The following CCDC7 variants were observed in gnomAD, a reference collection of about 807,000 sequenced individuals.
The protein encoded by CCDC7 is coiled-coil domain containing 7, also known as coiled-coil domain-containing protein 7.
In CCDC7, 183 loss-of-function variants were observed where a neutral mutation model predicts 196.9. That is an observed-to-expected ratio of 0.93 (90% CI 0.82 to 1.05). CCDC7 has a LOEUF of 1.05. Ranked by LOEUF, CCDC7 falls within the 50% of genes least tolerant of loss-of-function variation. The pLI is 0.00. For missense variants in CCDC7, 1,540 were observed against 1,482.2 expected (o/e 1.04, Z -0.64); for synonymous variants, 525 against 484.6 (o/e 1.08, Z -1.10).
intron 20 of CCDC7, among the ~76,000 whole-genome samples, chr10:32,651,508 G>A (rs548283377): frequency 1.2e-3 from 189 of 152,252 alleles, no homozygotes; most frequent in Non-Finnish European, 2.2e-3. Flanking sequence ...AAAGAAACAT[G>A]AAAAATGGCT....
chr10:32,618,293 T>G (rs2062997574), intron 18 of CCDC7, among the ~76,000 whole-genome samples: 1 of 151,942 alleles, frequency 6.6e-6, no homozygotes, highest in Non-Finnish European at 1.5e-5. Flanking sequence ...GTTTTAAATT[T>G]TTTTATTTTC....
At chr10:32,465,246 A>T (rs976768868) in intron 5 of CCDC7, among the ~76,000 whole-genome samples, 2 of 152,074 alleles carry the variant, frequency 1.3e-5, no homozygotes, top group African/African-American at 4.8e-5. Flanking sequence ...TCCTATAATA[A>T]CCCTTAAGAG....
At chr10:32,739,135 T>A (rs1242712606) in intron 28 of CCDC7, among the ~76,000 whole-genome samples, 1 of 152,142 alleles carries the variant, frequency 6.6e-6, no homozygotes, top group Non-Finnish European at 1.5e-5. Context: ...CTATTGACCA[T>A]TTTTTATGTT....
chr10:32,631,682 A>G lies in CCDC7; in HGVS notation c.1802-2572A>G, dbSNP rs975643882. On this transcript the variant is annotated intron_variant, in intron 18 of 41. Coordinates refer to ENST00000639629, the Ensembl canonical transcript of CCDC7. ...CCTTCTCAATTTCTACAAAAAAAAA[A>G]AAACACTAATTGGTATTTCGATAGG... is the stretch of plus-strand genomic sequence containing the variant. 3.6e-3 allele frequency among the ~76,000 whole-genome samples: 552 copies of G among 152,174 alleles called. 4 individuals carry two copies. Among genetic ancestry groups the G allele is most frequent in the African/African-American group, 0.013 (529 of 41,554 alleles).
intron 24 of CCDC7, 26 bp downstream of exon 25, chr10:32,695,018 TA>T: frequency 8.0e-7 from 1 of 1,251,444 alleles, no homozygotes; most frequent in Non-Finnish European, 1.1e-6. Flanking sequence ...ATAGATAACT[TA>T]AAAATTTTAA....
chr10:32,778,554 C>G (rs2080497739), intron 28 of CCDC7, among the ~76,000 whole-genome samples: 1 of 152,086 alleles, frequency 6.6e-6, no homozygotes, highest in African/African-American at 2.4e-5. Flanking sequence ...TGTTTTTGTA[C>G]CAGTACAATG....
intron 28 of CCDC7, among the ~76,000 whole-genome samples, chr10:32,738,252 A>G (rs942436819): frequency 6.6e-6 from 1 of 152,112 alleles, no homozygotes; most frequent in African/African-American, 2.4e-5. Context: ...TAGAATATCC[A>G]AGTCCACTTT....
intron 18 of CCDC7, among the ~76,000 whole-genome samples, chr10:32,614,208 A>G (rs1438011104): frequency 6.8e-6 from 1 of 146,420 alleles, no homozygotes; most frequent in African/African-American, 2.5e-5. Flanking sequence ...AGACTGTTTT[A>G]TCAGAGACTA....
At chr10:32,451,424 T>A (rs1286302747), upstream of CCDC7, among the ~76,000 whole-genome samples, 1 of 152,234 alleles carries the variant, frequency 6.6e-6, no homozygotes, top group East Asian at 1.9e-4. Flanking sequence ...TTTCTTCGTT[T>A]TGTTTAAGTT....
At chr10:32,632,626 A>G (rs2139517083) in intron 18 of CCDC7, among the ~76,000 whole-genome samples, 1 of 152,072 alleles carries the variant, frequency 6.6e-6, no homozygotes, top group Non-Finnish European at 1.5e-5. Flanking sequence ...CATAGTTTTC[A>G]TGTGATGTGT....
intron 41 of CCDC7, among the ~76,000 whole-genome samples, chr10:32,874,444 C>G (rs903149820): frequency 1.1e-4 from 17 of 151,480 alleles, no homozygotes; most frequent in African/African-American, 3.1e-4. Flanking sequence ...GTCATCCTCT[C>G]CCCTTCTGAG....
intron 24 of CCDC7, among the ~76,000 whole-genome samples, chr10:32,702,504 G>C (rs562194697): frequency 6.6e-6 from 1 of 152,160 alleles, no homozygotes; most frequent in Admixed American, 6.5e-5. Context: ...CTGTTGATTT[G>C]GGGTGGAGAG....
exon 2 of CCDC7, chr10:32,453,426 T>C (rs768112013): frequency 1.1e-5 from 17 of 1,534,858 alleles, no homozygotes; most frequent in Admixed American, 1.9e-5. Flanking sequence ...CATGAAGAAT[T>C]ATCTTTATCT....
chr10:32,690,651 A>G (rs2076977653), intron 23 of CCDC7, among the ~76,000 whole-genome samples: 1 of 152,228 alleles, frequency 6.6e-6, no homozygotes, highest in Non-Finnish European at 1.5e-5. Context: ...ATTAAGCTCA[A>G]CAAATGACAA....
At chr10:32,769,317 T>C (rs1452069122) in intron 28 of CCDC7, among the ~76,000 whole-genome samples, 1 of 152,100 alleles carries the variant, frequency 6.6e-6, no homozygotes, top group African/African-American at 2.4e-5. Flanking sequence ...ACTCTGATAA[T>C]CTTTTTAAAT....
intron 41 of CCDC7, among the ~76,000 whole-genome samples, chr10:32,874,752 CTACACA>C (rs1201614726): frequency 1.0e-4 from 5 of 49,404 alleles, no homozygotes; most frequent in African/African-American, 2.1e-4. Flanking sequence ...ACCAACATAT[CTACACA>C]CACACACACA....
At chr10:32,565,490 T>C in intron 13 of CCDC7, 68 bp from the exon 15 acceptor site, 2 of 1,513,014 alleles carry the variant, frequency 1.3e-6, no homozygotes, top group Non-Finnish European at 1.8e-6. Context: ...GGAAAAGTAA[T>C]ACTGGTAAAA....
intron 31 of CCDC7, among the ~76,000 whole-genome samples, chr10:32,814,951 A>C (rs2088065434): frequency 6.6e-6 from 1 of 152,178 alleles, no homozygotes. Context: ...AACTGTTTGC[A>C]TGCCCAAGGA....
rs557860015 is a variant in CCDC7 at position 32,874,843 on chromosome 10, G to T, written c.4112-1504G>T. ...CTTTATCCACTCATCATTGCTTTTG[G>T]GGTCTTAGTCATAAATTCTTTGCCT... On this transcript the variant is annotated intron_variant, in intron 41 of 41. Coordinates refer to ENST00000639629, the Ensembl canonical transcript of CCDC7. Among the ~76,000 whole-genome samples, 3 of 151,028 alleles carry T rather than the reference G, an allele frequency of 2.0e-5. No individual in the cohort carries two copies. The East Asian group carries it at 5.9e-4, about 30-fold the overall frequency.
Sources: allele counts gnomAD v4.1 joint callset (sites outside exome capture counted in the v4.1 genomes callset), GRCh38; gene constraint gnomAD v4.1.1; transcripts MANE v1.5; gene names NCBI Gene and HGNC (gene_info 2026-07-23, HGNC 2026-07-21).